MTUS1: variants seen among roughly 807,000 people sequenced by gnomAD.
MTUS1 encodes microtubule associated scaffold protein 1, also known as microtubule-associated tumor suppressor 1.
A neutral mutation model predicts 120.8 loss-of-function variants in MTUS1; 109 were observed. That is an observed-to-expected ratio of 0.90 (90% confidence interval 0.77 to 1.06). The LOEUF (loss-of-function observed/expected upper bound fraction) is 1.06, where lower values mean the gene tolerates loss of function less well. Among genes scored for constraint, MTUS1 ranks in the 50% least tolerant of loss-of-function variants. The probability of loss-of-function intolerance (pLI) is 0.00; values close to 1 mark genes in which losing one functional copy is unlikely to be tolerated. For synonymous variants in MTUS1, 737 were observed against 550.5 expected (o/e 1.34, Z -4.74); for missense variants, 2,210 against 1,486.3 (o/e 1.49, Z -8.01).
intron 10 of MTUS1, chr8:17,653,951 A>C (rs951488787): frequency 6.3e-6 from 1 of 158,904 alleles, no homozygotes; most frequent in African/African-American, 2.4e-5. Flanking sequence ...TCACTTTTAC[A>C]CATTATCACC....
chr8:17,710,343 G>A (rs1454637789), intron 6 of MTUS1, among the ~76,000 whole-genome samples: 1 of 152,164 alleles, frequency 6.6e-6, no homozygotes, highest in Admixed American at 6.5e-5. Context: ...TAAGTTTATG[G>A]AATATTCGGA....
chr8:17,717,081 C>T (rs776386689), intron 4 of MTUS1, among the ~76,000 whole-genome samples: 1 of 152,188 alleles, frequency 6.6e-6, no homozygotes. Flanking sequence ...AGTGCTTATA[C>T]ACATCACATT....
chr8:17,776,359 T>A (rs542832003), intron 1 of MTUS1, among the ~76,000 whole-genome samples: 16 of 151,988 alleles, frequency 1.1e-4, no homozygotes, highest in Admixed American at 9.2e-4. Context: ...CTGGTAACAA[T>A]CCCTGCAGAG....
rs1487564136 is a variant in MTUS1, at chr8:17,653,776, C to T, written c.3215-278G>A. Reference sequence around the variant, plus strand: ...TGCGACCTTAGGACAACACTGAGTGCCATTTCAGGGCAGGCTCTCATAAAT... The same window carrying T: ...TGCGACCTTAGGACAACACTGAGTGTCATTTCAGGGCAGGCTCTCATAAAT... On this transcript the variant is annotated intron_variant, in intron 10 of 14. Coordinates refer to ENST00000693296, the MANE Select transcript of MTUS1 (RefSeq NM_001363059.2). 4 of 306,574 alleles carry T rather than the reference C, an allele frequency of 1.3e-5. No individual in the cohort carries two copies. The South Asian group carries it at 3.9e-4, about 30-fold the overall frequency. 19.0% of individuals were successfully genotyped at this position (306,574 alleles called of 1,614,324 possible). A position where few individuals can be genotyped will look rare whatever the true frequency, so the allele number is the denominator to read the frequency against.
In MTUS1 at chr8:17,755,073, T is replaced by G; in HGVS notation, c.735A>C (p.Ala245=). 6.2e-6 allele frequency: 10 copies of G among 1,613,822 alleles called. No individual in the cohort carries two copies. Among genetic ancestry groups the G allele is most frequent in the Non-Finnish European group, 7.6e-6 (9 of 1,180,030 alleles). Residue 245 remains alanine (A), a synonymous_variant, in exon 2 of 15, where the codon GCA becomes GCC. Coordinates refer to ENST00000693296, the MANE Select transcript of MTUS1 (RefSeq NM_001363059.2). ...PSEAQDMTYT[A]FSDVVMQSEV... ...CACTTTGCATCACCACATCAGAAAA[T>G]GCTGTGTAAGTCATGTCTTGGGCTT...
chr8:17,709,516 T>G (rs1323005089), intron 6 of MTUS1, among the ~76,000 whole-genome samples: 3 of 152,102 alleles, frequency 2.0e-5, no homozygotes, highest in African/African-American at 4.8e-5. Flanking sequence ...CCTTAACACC[T>G]GACACTCACA....
At chr8:17,647,340 T>C (rs772368180) in intron 13 of MTUS1, 66 of 348,536 alleles carry the variant, frequency 1.9e-4, no homozygotes, top group Non-Finnish European at 2.8e-4. Flanking sequence ...CCAGGTCATG[T>C]TGTTTTGGAA....
chr8:17,780,492 T>C (rs544624321), intron 1 of MTUS1, among the ~76,000 whole-genome samples: 1 of 152,184 alleles, frequency 6.6e-6, no homozygotes, highest in Non-Finnish European at 1.5e-5. Flanking sequence ...CTTGTCCTAG[T>C]GTTCCTGGTT....
At chr8:17,780,564 C>A (rs2050797792) in intron 1 of MTUS1, among the ~76,000 whole-genome samples, 1 of 152,158 alleles carries the variant, frequency 6.6e-6, no homozygotes, top group Admixed American at 6.5e-5. Flanking sequence ...CAATAATCTG[C>A]CTCTTTCCCT....
Position 17,746,884 on chromosome 8 carries a change from C to T in MTUS1, c.2092-3085G>A, listed in dbSNP as rs73666311. Among the ~76,000 whole-genome samples, 925 of 152,272 alleles carry T rather than the reference C, an allele frequency of 6.1e-3. 8 individuals are homozygous for T. The highest frequency in any genetic ancestry group is 0.02 in the African/African-American group (843 of 41,552). On this transcript the variant is annotated intron_variant, in intron 2 of 14. Coordinates refer to ENST00000693296, the MANE Select transcript of MTUS1 (RefSeq NM_001363059.2). The stretch of plus-strand genomic sequence containing the variant: ...CATTTTCTAAAATTAATCTTACTTT[C>T]CTATCTATCTCAAAACTTATCTCTT...
At chr8:17,731,116 T>C (rs2046545340) in intron 3 of MTUS1, among the ~76,000 whole-genome samples, 1 of 152,170 alleles carries the variant, frequency 6.6e-6, no homozygotes, top group South Asian at 2.1e-4. Flanking sequence ...ATCTCAGAGA[T>C]ATAAAAATTC....
At chr8:17,691,350 A>T (rs1816902447) in intron 6 of MTUS1, 1 of 152,262 alleles carries the variant, frequency 6.6e-6, no homozygotes, top group Non-Finnish European at 1.5e-5. Context: ...TGTCTTCTTC[A>T]ATTGAAAGCT....
chr8:17,693,929 T>C (rs998410467), intron 6 of MTUS1, among the ~76,000 whole-genome samples: 1 of 152,186 alleles, frequency 6.6e-6, no homozygotes, highest in Non-Finnish European at 1.5e-5. Flanking sequence ...AAAGACAGTC[T>C]AGAAGCAAGG....
At chr8:17,668,048 G>A (rs780687885) in intron 8 of MTUS1, among the ~76,000 whole-genome samples, 11 of 152,274 alleles carry the variant, frequency 7.2e-5, no homozygotes, top group Non-Finnish European at 1.3e-4. Flanking sequence ...ATAAAAAGAT[G>A]AGAGTTAGCT....
intron 6 of MTUS1, among the ~76,000 whole-genome samples, chr8:17,711,539 C>A (rs543458471): frequency 6.6e-6 from 1 of 152,278 alleles, no homozygotes; most frequent in South Asian, 2.1e-4. Flanking sequence ...AGGCTTTGGC[C>A]GAAGTGAAAG....
At chr8:17,783,869 G>A (rs2051086705) in intron 1 of MTUS1, among the ~76,000 whole-genome samples, 1 of 152,122 alleles carries the variant, frequency 6.6e-6, no homozygotes, top group South Asian at 2.1e-4. Context: ...CAGTGGCCCG[G>A]ACCACCACTC....
intron 13 of MTUS1, 44 bp from the exon 14 acceptor site, chr8:17,647,123 A>G (rs1213957860): frequency 4.6e-6 from 7 of 1,509,178 alleles, no homozygotes; most frequent in Non-Finnish European, 4.5e-6. Flanking sequence ...ATATTAAAAA[A>G]AAAACCCCTC....
chr8:17,654,567 G>A lies in MTUS1; in HGVS notation c.3208C>T (p.Leu1070Phe). 1 of 1,604,278 alleles carries A rather than the reference G, an allele frequency of 6.2e-7. No individual in the cohort carries two copies. The highest frequency in any genetic ancestry group is 8.5e-7 in the Non-Finnish European group (1 of 1,171,056). ...GGAAAAAAAGCATCCTTGCCTGAAA[G>A]GGAGGCTTCATAGGCCTTCTTTAGC... ...ELLKKAYEAS[L>F]SEIKKGHEIE... The change falls in exon 10 of 15, where the codon CTT becomes TTT. Residue 1070 changes from leucine to phenylalanine, a missense_variant. Leu to Phe is a conservative substitution (Grantham distance 22, BLOSUM62 0). Transcript: ENST00000693296.
At chr8:17,682,856 A>C (rs956630570) in intron 7 of MTUS1, among the ~76,000 whole-genome samples, 1 of 152,268 alleles carries the variant, frequency 6.6e-6, no homozygotes, top group Non-Finnish European at 1.5e-5. Flanking sequence ...ATGAAAGAGA[A>C]ACAAAAATAC....
Sources: gnomAD v4.1 joint callset for allele counts (sites outside exome capture counted in the v4.1 genomes callset) on GRCh38, gnomAD v4.1.1 for gene constraint, MANE v1.5 for transcripts, NCBI Gene and HGNC (gene_info 2026-07-23, HGNC 2026-07-21) for gene names.